Variants in ARHGEF12 observed in about 807,000 individuals in gnomAD.
ARHGEF12 encodes Rho guanine nucleotide exchange factor 12.
ARHGEF12 carries 66 observed loss-of-function variants against 211.2 expected under a neutral mutation model. That is an observed-to-expected ratio of 0.31 (90% CI 0.26 to 0.38). The LOEUF is 0.38. Ranked by LOEUF, ARHGEF12 falls within the 10% of genes least tolerant of loss-of-function variation. The probability of loss-of-function intolerance (pLI) is 1.00; values close to 1 mark genes in which losing one functional copy is unlikely to be tolerated. For missense variants in ARHGEF12, 1,429 were observed against 1,869.5 expected, an observed-to-expected ratio of 0.76 and a Z score of 4.34; for synonymous variants, 592 against 638.4, an observed-to-expected ratio of 0.93 and a Z score of 1.09.
chr11:120,485,723 T>C lies in ARHGEF12; in HGVS notation c.*646T>C, dbSNP rs1258650447. 4.3e-6 allele frequency: 1 copy of C among 233,674 alleles called. No homozygotes were observed. The highest frequency in any genetic ancestry group is 2.2e-5 in the African/African-American group (1 of 45,370). The allele number at this position is 233,674 out of a possible 1,614,324, so 14.5% of individuals were successfully genotyped here. Reference sequence around the variant, plus strand: ...TATGCTATGCCGTGTGGCTCTTATGTGCCCAGGTGGTGTGGTCAGAGAGTG... The same window carrying C: ...TATGCTATGCCGTGTGGCTCTTATGCGCCCAGGTGGTGTGGTCAGAGAGTG... On this transcript the variant is annotated 3_prime_UTR_variant, in exon 41 of 41. Coordinates refer to ENST00000397843, the MANE Select transcript of ARHGEF12 (RefSeq NM_015313.3).
intron 1 of ARHGEF12, among the ~76,000 whole-genome samples, chr11:120,381,311 C>G (rs1250209026): frequency 6.6e-6 from 1 of 152,102 alleles, no homozygotes; most frequent in Non-Finnish European, 1.5e-5. Context: ...AAGGTTCACT[C>G]TAGTCCTCCT....
At chr11:120,370,362 G>A (rs994217522) in intron 1 of ARHGEF12, among the ~76,000 whole-genome samples, 13 of 152,026 alleles carry the variant, frequency 8.6e-5, no homozygotes, top group Admixed American at 2.0e-4. Context: ...TTTCTGTACC[G>A]ACACCAAACT....
chr11:120,426,024 T>C (rs559398068), intron 7 of ARHGEF12, among the ~76,000 whole-genome samples: 1 of 152,338 alleles, frequency 6.6e-6, no homozygotes, highest in South Asian at 2.1e-4. Flanking sequence ...GTTAAGCAAC[T>C]ATGAAATTTT....
At chr11:120,440,879 ACTC>A (rs2135780633) in intron 13 of ARHGEF12, among the ~76,000 whole-genome samples, 1 of 152,030 alleles carries the variant, frequency 6.6e-6, no homozygotes, top group African/African-American at 2.4e-5. Context: ...GTTAAGGAAT[ACTC>A]CTGGTTTGCT....
At chr11:120,363,464 C>G (rs73010518) in intron 1 of ARHGEF12, among the ~76,000 whole-genome samples, 30 of 152,044 alleles carry the variant, frequency 2.0e-4, no homozygotes, top group Non-Finnish European at 4.1e-4. Flanking sequence ...TACATTTCCC[C>G]CACTAGTGTT....
chr11:120,366,318 G>A (rs1223799123), intron 1 of ARHGEF12, among the ~76,000 whole-genome samples: 1 of 152,108 alleles, frequency 6.6e-6, no homozygotes, highest in East Asian at 1.9e-4. Flanking sequence ...TGCTTTGGGA[G>A]AGTTACTTTA....
intron 1 of ARHGEF12, among the ~76,000 whole-genome samples, chr11:120,358,134 GGTAGCGTGAAGAAAGGATTA>G: frequency 6.6e-6 from 1 of 152,134 alleles, no homozygotes; most frequent in East Asian, 1.9e-4. Context: ...TTCTTTCGGT[GGTAGCGTGAAGAAAGGATTA>G]GTCTTGAGCA....
At position 120,348,198 on chromosome 11, in the gene ARHGEF12, A is replaced by G. The variant is rs1942826280; in HGVS notation, c.32+10923A>G. On this transcript the variant is annotated intron_variant, in intron 1 of 40. Coordinates refer to ENST00000397843, the MANE Select transcript of ARHGEF12 (RefSeq NM_015313.3). ...AATTTTGAGTTTTTCTTGGGAAGGA[A>G]AAACCAGTTTTACAGAATTAGTGGA... 3.9e-5 allele frequency among the ~76,000 whole-genome samples: 6 copies of G among 152,242 alleles called. No homozygotes were observed. In the South Asian group the frequency reaches 1.2e-3, roughly 31 times the overall value.
chr11:120,452,097 A>G (rs1467091826), intron 22 of ARHGEF12, among the ~76,000 whole-genome samples: 1 of 152,200 alleles, frequency 6.6e-6, no homozygotes, highest in Non-Finnish European at 1.5e-5. Context: ...ACTGGTCAGT[A>G]GTTAGAGGCA....
chr11:120,476,726 C>T lies in ARHGEF12; in HGVS notation c.3343C>T (p.Gln1115Ter). The change falls in exon 34 of 41, where the codon CAG becomes TAG. Residue 1115 changes from glutamine (Q) to a stop codon, truncating the protein, a stop_gained. Transcript: ENST00000397843. LOFTEE classifies it high-confidence loss of function. Reference protein sequence around the residue: ...NGAQIYELVAQTVSEKTVWQD... With the variant: ...NGAQIYELVA ...CGCTCAGATTTATGAACTGGTGGCA[C>T]AGACAGTTTCTGAAAAGACTGTGTA... 1 of 1,612,836 alleles carries T rather than the reference C, an allele frequency of 6.2e-7. No homozygotes were observed.
chr11:120,368,978 C>T (rs938258645), intron 1 of ARHGEF12, among the ~76,000 whole-genome samples: 3 of 152,026 alleles, frequency 2.0e-5, no homozygotes, highest in African/African-American at 7.2e-5. Flanking sequence ...TTTTTGTTTG[C>T]CAGCATTTAT....
chr11:120,391,469 G>A (rs891493989), intron 1 of ARHGEF12, among the ~76,000 whole-genome samples: 2 of 152,198 alleles, frequency 1.3e-5, no homozygotes, highest in African/African-American at 2.4e-5. Context: ...CAGTAGAGCA[G>A]TACAAAGGCC....
chr11:120,345,712 A>AC (rs1323589106), intron 1 of ARHGEF12, among the ~76,000 whole-genome samples: 3 of 151,408 alleles, frequency 2.0e-5, no homozygotes, highest in Admixed American at 6.6e-5. Context: ...AAAAAAAAAA[A>AC]AAAAAAAAAC....
chr11:120,417,464 G>T (rs893402323), intron 4 of ARHGEF12, among the ~76,000 whole-genome samples: 13 of 151,492 alleles, frequency 8.6e-5, no homozygotes, highest in Non-Finnish European at 1.3e-4. Flanking sequence ...AAGCAAGCAT[G>T]GATTTTAAAA....
At chr11:120,419,819 G>A (rs371302940) in intron 4 of ARHGEF12, among the ~76,000 whole-genome samples, 26 of 152,170 alleles carry the variant, frequency 1.7e-4, no homozygotes, top group African/African-American at 6.0e-4. Context: ...TTATCTTTGT[G>A]TTGTTTTACC....
At chr11:120,447,752 G>T (rs1946084760) in intron 18 of ARHGEF12, 122 bp from the exon 19 acceptor site, 1 of 622,758 alleles carries the variant, frequency 1.6e-6, no homozygotes, top group South Asian at 2.0e-5. Flanking sequence ...GGAGGCGGAG[G>T]TTGCAGTGAG....
intron 12 of ARHGEF12, 62 bp from the exon 13 acceptor site, chr11:120,440,067 A>C: frequency 8.3e-7 from 1 of 1,205,684 alleles, no homozygotes; most frequent in Admixed American, 1.9e-5. Context: ...GGTTGGCTTT[A>C]TTCTTTTTCT....
chr11:120,466,343 C>T (rs1462959720), intron 28 of ARHGEF12, among the ~76,000 whole-genome samples: 1 of 152,222 alleles, frequency 6.6e-6, no homozygotes, highest in African/African-American at 2.4e-5. Flanking sequence ...ACAGAGAGAT[C>T]TCTGCCATAT....
intron 1 of ARHGEF12, among the ~76,000 whole-genome samples, chr11:120,401,196 G>T (rs542588824): frequency 1.3e-5 from 2 of 152,092 alleles, no homozygotes; most frequent in Non-Finnish European, 2.9e-5. Flanking sequence ...TCTTCTAATG[G>T]CTCTAAGCTA....
Sources: gnomAD v4.1 joint callset for allele counts (sites outside exome capture counted in the v4.1 genomes callset) on GRCh38, gnomAD v4.1.1 for gene constraint, MANE v1.5 for transcripts, NCBI Gene and HGNC (gene_info 2026-07-23, HGNC 2026-07-21) for gene names.